The following SMOC2 variants were observed in gnomAD, a reference collection of about 807,000 sequenced individuals.
SMOC2 encodes the protein SPARC-related modular calcium-binding protein 2.
Under a neutral mutation model 61.4 loss-of-function variants are expected in SMOC2, and 39 were observed. The ratio of observed to expected loss-of-function variants is 0.64; its 90% CI spans 0.49 to 0.83. SMOC2 has a LOEUF of 0.83. SMOC2 is among the 40% of genes least tolerant of loss of function. The pLI is 0.00. For missense variants in SMOC2, 556 were observed against 592.9 expected, an observed-to-expected ratio of 0.94 and a Z score of 0.65; for synonymous variants, 247 against 239.9, an observed-to-expected ratio of 1.03 and a Z score of -0.27.
At chr6:168,595,048 C>G (rs1330768693) in intron 7 of SMOC2, among the ~76,000 whole-genome samples, 8 of 143,976 alleles carry the variant, frequency 5.6e-5, no homozygotes, top group Middle Eastern at 3.7e-3. Context: ...TCACGAGCAT[C>G]TTTCTAGAGG....
rs142716884 is a variant in SMOC2, at chr6:168,461,193, G to A, written c.84+19739G>A. 5.8e-3 allele frequency among the ~76,000 whole-genome samples: 876 copies of A among 152,268 alleles called. 7 individuals carry two copies. Among genetic ancestry groups the A allele is most frequent in the African/African-American group, 0.019 (781 of 41,556 alleles). On this transcript the variant is annotated intron_variant, in intron 1 of 12. Transcript: ENST00000356284. ...AGAGAGCTTGTGCAGGGGTACTCCCGTTTTAAATCCATCAGATCTTGTGAG... is the reference window on the plus strand; with the variant it reads ...AGAGAGCTTGTGCAGGGGTACTCCCATTTTAAATCCATCAGATCTTGTGAG...
chr6:168,521,200 G>A (rs1206848233), intron 2 of SMOC2, among the ~76,000 whole-genome samples: 1 of 152,086 alleles, frequency 6.6e-6, no homozygotes, highest in Non-Finnish European at 1.5e-5. Context: ...CCAGGCTGGA[G>A]TATGGTGGCA....
chr6:168,643,213 G>A (rs894888618), intron 9 of SMOC2, among the ~76,000 whole-genome samples: 1 of 152,144 alleles, frequency 6.6e-6, no homozygotes, highest in African/African-American at 2.4e-5. Context: ...TCCCACAGCT[G>A]GCTGGGACCC....
chr6:168,478,028 A>G (rs1355625014), intron 1 of SMOC2, among the ~76,000 whole-genome samples: 2 of 152,114 alleles, frequency 1.3e-5, no homozygotes, highest in Non-Finnish European at 2.9e-5. Flanking sequence ...AGCATGTAGG[A>G]TATTCATTAG....
chr6:168,578,508 C>T (rs1784855235), intron 7 of SMOC2, among the ~76,000 whole-genome samples: 1 of 152,230 alleles, frequency 6.6e-6, no homozygotes, highest in Non-Finnish European at 1.5e-5. Flanking sequence ...AAGTCTAGCA[C>T]ATGCCCTGAC....
intron 6 of SMOC2, among the ~76,000 whole-genome samples, 198 bp downstream of exon 6, chr6:168,547,367 A>G (rs1458197295): frequency 1.3e-5 from 2 of 151,364 alleles, no homozygotes; most frequent in Non-Finnish European, 3.0e-5. Context: ...CAAAACTCCA[A>G]TAGTGAGGAG....
chr6:168,609,168 A>G (rs1447030703), intron 9 of SMOC2, among the ~76,000 whole-genome samples: 1 of 152,214 alleles, frequency 6.6e-6, no homozygotes, highest in Non-Finnish European at 1.5e-5. Flanking sequence ...AGGGAAGCAG[A>G]GGGCGGAATG....
chr6:168,463,597 A>G (rs1258800624), intron 1 of SMOC2, among the ~76,000 whole-genome samples: 1 of 151,870 alleles, frequency 6.6e-6, no homozygotes, highest in African/African-American at 2.4e-5. Context: ...ATGAAGTGAG[A>G]CCTCTGGAAA....
In SMOC2 at chr6:168,549,173, A is replaced by T. The variant is rs537430017; in HGVS notation, c.607A>T (p.Ser203Cys). The T allele has an allele frequency of 6.2e-7, 1 of 1,614,210 alleles. No homozygotes were observed. The highest frequency in any genetic ancestry group is 1.3e-5 in the African/African-American group (1 of 75,064). The change falls in exon 7 of 13, where the codon AGT (serine) becomes TGT (cysteine). Residue 203 changes from serine (S) to cysteine (C), a missense_variant. By Grantham distance (112) the Ser-to-Cys change is moderately radical (BLOSUM62 -1). Transcript: ENST00000356284. Reference sequence around the variant, plus strand: ...TACCCTTTGGACTGAACAGGTTAAAAGTCGGCAGAACAAAACCAATAAGAA... The same window carrying T: ...TACCCTTTGGACTGAACAGGTTAAATGTCGGCAGAACAAAACCAATAAGAA... ...YPTLWTEQVKSRQNKTNKNSV... is the reference protein window; with the variant it reads ...YPTLWTEQVKCRQNKTNKNSV...
chr6:168,627,902 TCACA>T lies in SMOC2; in HGVS notation c.907+19669_907+19672del, dbSNP rs1395895893. Among the ~76,000 whole-genome samples, 5 of 152,300 alleles carry T rather than the reference TCACA, an allele frequency of 3.3e-5. No homozygotes were observed. In the East Asian group the frequency reaches 9.7e-4, roughly 29 times the overall value. ...GGAGAAAGGCCCACAGGAGGGGCCC[TCACA>T]CACACCAGTGGGGAAAACCACAGCC... On this transcript the variant is annotated intron_variant, in intron 9 of 12. Coordinates refer to ENST00000356284, the MANE Select transcript of SMOC2 (RefSeq NM_001166412.2).
intron 10 of SMOC2, 129 bp from the exon 11 acceptor site, chr6:168,652,825 G>C: frequency 1.3e-6 from 1 of 755,902 alleles, no homozygotes; most frequent in Non-Finnish European, 2.2e-6. Context: ...CTGATGACCA[G>C]TGCTGCAGGC....
chr6:168,597,181 T>C (rs1178489532), intron 7 of SMOC2, among the ~76,000 whole-genome samples: 1 of 152,250 alleles, frequency 6.6e-6, no homozygotes, highest in Non-Finnish European at 1.5e-5. Flanking sequence ...TGTTTTTACA[T>C]TCTTGCAGTG....
At position 168,619,397 on chromosome 6, in the gene SMOC2, A is replaced by G. The variant is rs117229335; in HGVS notation, c.907+11158A>G. Among the ~76,000 whole-genome samples the G allele has an allele frequency of 9.7e-3, 1,484 of 152,334 alleles. 16 individuals carry two copies. Among genetic ancestry groups the G allele is most frequent in the Non-Finnish European group, 0.013 (905 of 68,028 alleles). ...GCAATATTTCAGAGACAATTTAAAT[A>G]ACTTGAGAACAAACTGGTCTCCAAC... On this transcript the variant is annotated intron_variant, in intron 9 of 12. Coordinates refer to ENST00000356284, the MANE Select transcript of SMOC2 (RefSeq NM_001166412.2).
rs1785315644 is a variant in SMOC2 at position 168,595,776 on chromosome 6, C to T, written c.638-3042C>T. On this transcript the variant is annotated intron_variant, in intron 7 of 12. Coordinates refer to ENST00000356284, the MANE Select transcript of SMOC2 (RefSeq NM_001166412.2). ...AATATCTTTAATATTTTATATCATG[C>T]TCATCAAATTTTAAGAGGTTGATTT... is the stretch of plus-strand genomic sequence containing the variant. Among the ~76,000 whole-genome samples the T allele has an allele frequency of 2.6e-5, 4 of 152,208 alleles. No individual in the cohort carries two copies. The South Asian group carries it at 8.3e-4, about 32-fold the overall frequency.
At chr6:168,441,513 G>A in intron 1 of SMOC2, 59 bp downstream of exon 1, 1 of 1,435,952 alleles carries the variant, frequency 7.0e-7, no homozygotes, top group Non-Finnish European at 9.1e-7. Flanking sequence ...CAGCCGGCCG[G>A]GTTCGGGTCC....
chr6:168,487,085 T>C (rs1782354830), intron 1 of SMOC2, among the ~76,000 whole-genome samples: 1 of 152,198 alleles, frequency 6.6e-6, no homozygotes, highest in Non-Finnish European at 1.5e-5. Context: ...TCCCAGCCTC[T>C]CCTCTGCCCT....
intron 12 of SMOC2, chr6:168,664,461 A>G: frequency 2.4e-6 from 1 of 414,874 alleles, no homozygotes; most frequent in Non-Finnish European, 4.5e-6. Context: ...TTTCGAACTC[A>G]CAGGCTCAAG....
intron 7 of SMOC2, among the ~76,000 whole-genome samples, chr6:168,554,162 A>G (rs1321975583): frequency 6.6e-6 from 1 of 152,230 alleles, no homozygotes; most frequent in Non-Finnish European, 1.5e-5. Context: ...CTTCCCCACC[A>G]GGTATCCGCA....
At chr6:168,579,066 G>A (rs1784869352) in intron 7 of SMOC2, among the ~76,000 whole-genome samples, 1 of 152,138 alleles carries the variant, frequency 6.6e-6, no homozygotes, top group Non-Finnish European at 1.5e-5. Context: ...TTGTCATCCT[G>A]CAGATGGGGA....
Sources: allele counts gnomAD v4.1 joint callset (sites outside exome capture counted in the v4.1 genomes callset), GRCh38; gene constraint gnomAD v4.1.1; transcripts MANE v1.5; gene names NCBI Gene and HGNC (gene_info 2026-07-23, HGNC 2026-07-21).